The following KATNIP variants were observed in gnomAD, a reference collection of about 807,000 sequenced individuals.
The protein encoded by KATNIP is katanin-interacting protein.
A neutral mutation model predicts 174.0 loss-of-function variants in KATNIP; 126 were observed. The observed-to-expected ratio is 0.72, with a 90% CI of 0.63 to 0.84. The LOEUF (loss-of-function observed/expected upper bound fraction) is 0.84, where lower values mean the gene tolerates loss of function less well. Among genes scored for constraint, KATNIP ranks in the 40% least tolerant of loss-of-function variants. KATNIP has a pLI of 0.00. For synonymous variants in KATNIP, 810 were observed against 835.7 expected (o/e 0.97, Z 0.53); for missense variants, 1,958 against 2,109.7 (o/e 0.93, Z 1.41).
intron 6 of KATNIP, among the ~76,000 whole-genome samples, chr16:27,659,765 A>G (rs186229459): frequency 6.6e-6 from 1 of 152,278 alleles, no homozygotes; most frequent in African/African-American, 2.4e-5. Context: ...ATAGAAATAC[A>G]CTGAGGAATG....
intron 2 of KATNIP, among the ~76,000 whole-genome samples, chr16:27,576,011 C>T (rs540637127): frequency 2.6e-4 from 40 of 152,258 alleles, no homozygotes; most frequent in Non-Finnish European, 4.6e-4. Flanking sequence ...ACCTGCAGGC[C>T]GCCCTCAGTT....
chr16:27,712,811 A>G (rs1567334421), intron 13 of KATNIP, among the ~76,000 whole-genome samples: 1 of 151,698 alleles, frequency 6.6e-6, no homozygotes, highest in African/African-American at 2.4e-5. Context: ...CATTATTATT[A>G]TTATTATTTT....
chr16:27,713,310 A>ATATG (rs1217531120), intron 13 of KATNIP, among the ~76,000 whole-genome samples: 7 of 152,156 alleles, frequency 4.6e-5, no homozygotes, highest in Admixed American at 1.3e-4. Context: ...AGTAAAATAT[A>ATATG]TATGTATGTA....
intron 6 of KATNIP, among the ~76,000 whole-genome samples, chr16:27,649,302 C>T (rs2077053871): frequency 6.6e-6 from 1 of 152,214 alleles, no homozygotes. Flanking sequence ...ACAGGGTTGA[C>T]AACAGGACAT....
intron 2 of KATNIP, among the ~76,000 whole-genome samples, chr16:27,581,797 G>A (rs1364205684): frequency 6.6e-6 from 1 of 151,866 alleles, no homozygotes; most frequent in Admixed American, 6.6e-5. Flanking sequence ...TATAGCCTTT[G>A]CATCCTCATA....
At position 27,563,198 on chromosome 16, in the gene KATNIP, G is replaced by A. The variant is rs935775014; in HGVS notation, c.8-10703G>A. On this transcript the variant is annotated intron_variant, in intron 1 of 27. Coordinates refer to ENST00000261588, the MANE Select transcript of KATNIP (RefSeq NM_015202.5). ...TAAGTGCCATGCAGAAGGTTAAGAC[G>A]GAGGACTGAGGGCTGGGTCCCTCTG... 3.2e-4 allele frequency among the ~76,000 whole-genome samples: 48 copies of A among 152,124 alleles called. 1 individual carries two copies. Among genetic ancestry groups the A allele is most frequent in the Admixed American group, 3.0e-3 (46 of 15,260 alleles).
At chr16:27,667,931 G>A (rs2077743300) in intron 6 of KATNIP, among the ~76,000 whole-genome samples, 1 of 152,152 alleles carries the variant, frequency 6.6e-6, no homozygotes, top group East Asian at 1.9e-4. Context: ...GGGACACAGG[G>A]TAAACTGAGT....
intron 18 of KATNIP, among the ~76,000 whole-genome samples, chr16:27,760,829 G>A (rs1286983555): frequency 6.6e-6 from 1 of 152,186 alleles, no homozygotes; most frequent in East Asian, 1.9e-4. Context: ...ACAGTGGCAT[G>A]GCAGGTTATC....
chr16:27,593,554 C>T (rs1214177643), intron 2 of KATNIP, among the ~76,000 whole-genome samples: 1 of 151,860 alleles, frequency 6.6e-6, no homozygotes, highest in Non-Finnish European at 1.5e-5. Flanking sequence ...TTTTTTTAGG[C>T]AGGGCCTCCC....
At chr16:27,708,479 A>C (rs1455761038) in intron 12 of KATNIP, 3 of 482,228 alleles carry the variant, frequency 6.2e-6, no homozygotes, top group Non-Finnish European at 7.3e-6. Flanking sequence ...ATGCTCACAG[A>C]GTGCCAGTTA....
At chr16:27,620,077 A>G (rs911316759) in intron 3 of KATNIP, among the ~76,000 whole-genome samples, 6 of 152,222 alleles carry the variant, frequency 3.9e-5, no homozygotes, top group Non-Finnish European at 7.3e-5. Flanking sequence ...TTGGGGGATC[A>G]ATAAGTGTGC....
At chr16:27,670,410 A>G (rs943162063) in intron 6 of KATNIP, among the ~76,000 whole-genome samples, 2 of 152,206 alleles carry the variant, frequency 1.3e-5, no homozygotes, top group Non-Finnish European at 2.9e-5. Context: ...CCATGCCTCT[A>G]TCTTTATTTT....
At chr16:27,692,338 A>C (rs1288492166) in intron 8 of KATNIP, among the ~76,000 whole-genome samples, 1 of 152,178 alleles carries the variant, frequency 6.6e-6, no homozygotes, top group Non-Finnish European at 1.5e-5. Flanking sequence ...TGGTTGGGTG[A>C]TATTCACAAA....
intron 2 of KATNIP, among the ~76,000 whole-genome samples, chr16:27,616,629 A>T (rs1196575301): frequency 6.6e-6 from 1 of 151,960 alleles, no homozygotes; most frequent in Non-Finnish European, 1.5e-5. Context: ...TGGGAGTCTG[A>T]GGCAGGAGAA....
intron 6 of KATNIP, among the ~76,000 whole-genome samples, chr16:27,656,706 G>T (rs1450692866): frequency 6.9e-6 from 1 of 145,340 alleles, no homozygotes; most frequent in East Asian, 2.0e-4. Context: ...ACCAAACACC[G>T]CATATTCTCA....
chr16:27,728,602 C>T (rs186062461), intron 14 of KATNIP, among the ~76,000 whole-genome samples: 2 of 152,178 alleles, frequency 1.3e-5, no homozygotes, highest in African/African-American at 2.4e-5. Context: ...AGCTAATTTT[C>T]GTATTTTCAG....
intron 2 of KATNIP, among the ~76,000 whole-genome samples, chr16:27,596,741 G>C (rs537296824): frequency 5.9e-5 from 9 of 152,308 alleles, no homozygotes; most frequent in Admixed American, 3.9e-4. Flanking sequence ...AATAAAAATA[G>C]GCCAGGCATG....
intron 6 of KATNIP, among the ~76,000 whole-genome samples, chr16:27,674,393 T>C (rs2078032925): frequency 6.6e-6 from 1 of 152,230 alleles, no homozygotes; most frequent in Non-Finnish European, 1.5e-5. Flanking sequence ...ATCAAGGCAT[T>C]GGCGGGACTG....
intron 5 of KATNIP, among the ~76,000 whole-genome samples, chr16:27,632,781 C>T (rs1007761935): frequency 9.2e-5 from 14 of 151,868 alleles, no homozygotes; most frequent in East Asian, 1.9e-4. Context: ...GACAGAGTCT[C>T]GCTCTGTCAC....
Sources: gnomAD v4.1 joint callset for allele counts (sites outside exome capture counted in the v4.1 genomes callset) on GRCh38, gnomAD v4.1.1 for gene constraint, MANE v1.5 for transcripts, NCBI Gene and HGNC (gene_info 2026-07-23, HGNC 2026-07-21) for gene names.